The following DAB1 variants were observed in gnomAD, a reference collection of about 807,000 sequenced individuals.
The protein encoded by DAB1 is disabled homolog 1.
Under a neutral mutation model 64.6 loss-of-function variants are expected in DAB1, and 15 were observed. The observed-to-expected ratio is 0.23, with a 90% CI of 0.16 to 0.36. The LOEUF is 0.36. Ranked by LOEUF, DAB1 falls within the 10% of genes least tolerant of loss-of-function variation. DAB1 has a pLI of 1.00. For synonymous variants in DAB1, 235 were observed against 251.9 expected (o/e 0.93, Z 0.64); for missense variants, 596 against 706.7 (o/e 0.84, Z 1.78).
rs537261099 is a variant in DAB1, at chr1:58,129,834, A to C, written n.387+20677T>G. 5.9e-4 allele frequency among the ~76,000 whole-genome samples: 89 copies of C among 151,124 alleles called. 2 individuals carry two copies. The highest frequency in any genetic ancestry group is 2.1e-3 in the African/African-American group (86 of 41,172). On this transcript the variant is annotated intron_variant and non_coding_transcript_variant, in intron 5 of 20. Transcript: ENST00000485760. ...GTGGTCTGAGAGATAGTTTGTTATA[A>C]TTTCTGTTCTTTTACATTTGCTGAG...
chr1:57,822,434 G>A (rs1206160443), downstream of DAB1, among the ~76,000 whole-genome samples: 1 of 152,034 alleles, frequency 6.6e-6, no homozygotes, highest in Non-Finnish European at 1.5e-5. Flanking sequence ...AGAAGAATCT[G>A]CAGAGTAACC....
At chr1:58,363,563 A>C (rs538516317) in intron 3 of DAB1, among the ~76,000 whole-genome samples, 5 of 152,220 alleles carry the variant, frequency 3.3e-5, no homozygotes, top group Non-Finnish European at 7.3e-5. Flanking sequence ...AGGTTAGGGG[A>C]CTTTGCAAGC....
At chr1:57,669,808 T>C (rs1216218027) in intron 6 of DAB1, among the ~76,000 whole-genome samples, 1 of 152,120 alleles carries the variant, frequency 6.6e-6, no homozygotes, top group African/African-American at 2.4e-5. Flanking sequence ...TAACATGACA[T>C]GGAAATATAT....
chr1:57,685,552 A>T (rs1269201346), intron 6 of DAB1, among the ~76,000 whole-genome samples: 1 of 152,192 alleles, frequency 6.6e-6, no homozygotes, highest in Non-Finnish European at 1.5e-5. Flanking sequence ...ACACTAGACC[A>T]ATTGGACCTA....
chr1:58,545,573 T>C (rs978830409), intron 1 of DAB1, among the ~76,000 whole-genome samples: 1 of 152,292 alleles, frequency 6.6e-6, no homozygotes, highest in South Asian at 2.1e-4. Flanking sequence ...CAAACATAGC[T>C]GGCAGACTTC....
chr1:57,569,083 C>T (rs887246283), intron 7 of DAB1, among the ~76,000 whole-genome samples: 10 of 150,368 alleles, frequency 6.7e-5, no homozygotes, highest in African/African-American at 2.4e-4. Context: ...ACGGTGAAAC[C>T]CCGTCTCTAC....
At chr1:58,027,449 G>A (rs1646910886) in intron 5 of DAB1, among the ~76,000 whole-genome samples, 1 of 152,016 alleles carries the variant, frequency 6.6e-6, no homozygotes, top group Admixed American at 6.6e-5. Context: ...AATAATGATA[G>A]TCAGTGGCTG....
chr1:58,129,632 A>C (rs1356913912), intron 5 of DAB1, among the ~76,000 whole-genome samples: 71 of 141,754 alleles, frequency 5.0e-4, no homozygotes, highest in African/African-American at 1.7e-3. Context: ...GCTTTGAATG[A>C]GTCCCAGAGA....
At chr1:57,136,213 G>A (rs1301839542) in intron 4 of DAB1, among the ~76,000 whole-genome samples, 1 of 152,172 alleles carries the variant, frequency 6.6e-6, no homozygotes, top group Non-Finnish European at 1.5e-5. Flanking sequence ...CCTCTAGGAC[G>A]TATGTCATTA....
chr1:57,729,858 C>T (rs149763086), intron 6 of DAB1, among the ~76,000 whole-genome samples: 8 of 152,158 alleles, frequency 5.3e-5, no homozygotes, highest in African/African-American at 1.2e-4. Context: ...GCCAGGAGTT[C>T]AATATCAGCC....
At chr1:58,247,792 C>T (rs1660617937) in intron 4 of DAB1, among the ~76,000 whole-genome samples, 2 of 147,684 alleles carry the variant, frequency 1.4e-5, no homozygotes, top group African/African-American at 2.5e-5. Flanking sequence ...CCCTCCCCAC[C>T]CCACCCCCAC....
intron 2 of DAB1, among the ~76,000 whole-genome samples, chr1:57,271,917 G>C (rs2100592802): frequency 6.6e-6 from 1 of 152,252 alleles, no homozygotes. Flanking sequence ...GATTTTCACT[G>C]TCTAGAATCT....
intron 4 of DAB1, among the ~76,000 whole-genome samples, chr1:58,230,271 C>T (rs748861932): frequency 2.4e-4 from 36 of 150,892 alleles, no homozygotes; most frequent in South Asian, 4.1e-4. Context: ...GAATAAAACA[C>T]CTTGGTGTCG....
At chr1:57,405,541 T>C (rs931428398) in intron 1 of DAB1, among the ~76,000 whole-genome samples, 1 of 152,232 alleles carries the variant, frequency 6.6e-6, no homozygotes, top group East Asian at 1.9e-4. Context: ...AAAATATTTT[T>C]TGTTTTACCT....
intron 5 of DAB1, among the ~76,000 whole-genome samples, chr1:58,007,346 A>T (rs1051837567): frequency 1.3e-5 from 2 of 152,232 alleles, no homozygotes; most frequent in East Asian, 1.9e-4. Flanking sequence ...CTTTATGCTA[A>T]ATGTGGAGAC....
intron 4 of DAB1, among the ~76,000 whole-genome samples, chr1:58,194,823 A>G (rs1348383980): frequency 2.0e-5 from 3 of 152,216 alleles, no homozygotes; most frequent in Admixed American, 6.5e-5. Context: ...TCTAATTGGG[A>G]CTGAATAGTA....
At chr1:58,114,863 T>C (rs1443338889) in intron 5 of DAB1, among the ~76,000 whole-genome samples, 1 of 152,202 alleles carries the variant, frequency 6.6e-6, no homozygotes, top group African/African-American at 2.4e-5. Flanking sequence ...GCATCCACTG[T>C]GATTGGATTA....
intron 4 of DAB1, among the ~76,000 whole-genome samples, chr1:57,129,845 A>G (rs1463185046): frequency 6.6e-6 from 1 of 152,058 alleles, no homozygotes; most frequent in Non-Finnish European, 1.5e-5. Context: ...CTCCAATATC[A>G]GGGCCAGACA....
At chr1:57,370,867 T>C (rs954371716) in intron 1 of DAB1, among the ~76,000 whole-genome samples, 4 of 152,198 alleles carry the variant, frequency 2.6e-5, no homozygotes, top group African/African-American at 4.8e-5. Context: ...GGAAAATAAA[T>C]TTAAATCTAA....
Sources: allele counts gnomAD v4.1 joint callset (sites outside exome capture counted in the v4.1 genomes callset), GRCh38; gene constraint gnomAD v4.1.1; transcripts MANE v1.5; gene names NCBI Gene and HGNC (gene_info 2026-07-23, HGNC 2026-07-21).